LRP4: variants seen among roughly 807,000 people sequenced by gnomAD.
LRP4 encodes LDL receptor related protein 4, also known as low-density lipoprotein receptor-related protein 4.
Under a neutral mutation model 220.3 loss-of-function variants are expected in LRP4, and 95 were observed. The observed-to-expected ratio is 0.43, with a 90% CI of 0.37 to 0.51. The LOEUF is 0.51. Among genes scored for constraint, LRP4 ranks in the 20% least tolerant of loss-of-function variants. LRP4 has a pLI of 0.00. For missense variants in LRP4, 1,925 were observed against 2,567.0 expected (o/e 0.75, Z 5.40); for synonymous variants, 903 against 954.6 (o/e 0.95, Z 1.00).
chr11:46,918,154 G>A lies in LRP4; in HGVS notation c.52+174C>T, dbSNP rs1224980972. ...AGCGCCTCCGCTGATGCCCCCGCTCGGACTGCTGGAGCCGGGGCCGCTCCG... is the reference window on the plus strand; with the variant it reads ...AGCGCCTCCGCTGATGCCCCCGCTCAGACTGCTGGAGCCGGGGCCGCTCCG... On this transcript the variant is annotated intron_variant, in intron 1 of 37. Coordinates refer to ENST00000378623, the MANE Select transcript of LRP4 (RefSeq NM_002334.4). This position sits in a 1 kb window ranked among gnomAD's most constrained non-coding sequence, Gnocchi z 6.0. Among the ~76,000 whole-genome samples, 1 of 151,644 alleles carries A rather than the reference G, an allele frequency of 6.6e-6. No homozygotes were observed. The highest frequency in any genetic ancestry group is 1.5e-5 in the Non-Finnish European group (1 of 67,848).
At chr11:46,867,234 C>CG (rs887876800) in intron 34 of LRP4, among the ~76,000 whole-genome samples, 5 of 151,262 alleles carry the variant, frequency 3.3e-5, no homozygotes, top group African/African-American at 7.3e-5. Flanking sequence ...GTGTGTGTTG[C>CG]GGGGGGGTGC....
At chr11:46,893,879 C>A (rs961916706) in intron 12 of LRP4, among the ~76,000 whole-genome samples, 1 of 151,590 alleles carries the variant, frequency 6.6e-6, no homozygotes, top group Non-Finnish European at 1.5e-5. Context: ...GGATTACAGG[C>A]GTAAGCCACC....
rs770051637 is a variant in LRP4, at chr11:46,889,926, C to T, written c.2092+18G>A. ...AACCATGAGGCTACTTTGGCTCACC[C>T]GGTGGGCAGTTTTTTACCTGCAGGT... On this transcript the variant is annotated intron_variant, in intron 15 of 37. Coordinates refer to ENST00000378623, the MANE Select transcript of LRP4 (RefSeq NM_002334.4). 32 of 1,613,994 alleles carry T rather than the reference C, an allele frequency of 2.0e-5. No individual in the cohort carries two copies. Among genetic ancestry groups the T allele is most frequent in the African/African-American group, 4.0e-5 (3 of 74,894 alleles).
intron 1 of LRP4, among the ~76,000 whole-genome samples, chr11:46,913,727 C>A (rs1941905687): frequency 6.6e-6 from 1 of 152,096 alleles, no homozygotes; most frequent in African/African-American, 2.4e-5. Flanking sequence ...TAGGCTGCAT[C>A]CCTGACCACT....
chr11:46,888,594 G>T (rs1000354675), intron 16 of LRP4, among the ~76,000 whole-genome samples: 3 of 119,688 alleles, frequency 2.5e-5, no homozygotes, highest in South Asian at 3.2e-4. Flanking sequence ...GGAAAACTCA[G>T]AGAATGAAAT....
chr11:46,883,146 T>TA (rs1002774406), intron 19 of LRP4, among the ~76,000 whole-genome samples: 3 of 151,544 alleles, frequency 2.0e-5, no homozygotes, highest in Non-Finnish European at 2.9e-5. Flanking sequence ...AAACCAACAA[T>TA]AAAAAAAAGA....
At chr11:46,916,545 C>T (rs781702873) in intron 1 of LRP4, among the ~76,000 whole-genome samples, 5 of 150,144 alleles carry the variant, frequency 3.3e-5, no homozygotes, top group African/African-American at 4.9e-5. Context: ...TTCTCACCCC[C>T]ATCCTCTATG....
Position 46,894,524 on chromosome 11 carries a change from T to A in LRP4, c.1540+65A>T, listed in dbSNP as rs17848243. ...CTAAGGTTTGCAAACCACTGGCCTA[T>A]TCCTCCCACCGTTGCTGCGCATGTG... On this transcript the variant is annotated intron_variant, in intron 12 of 37. Transcript: ENST00000378623. 98 of 1,306,762 alleles carry A rather than the reference T, an allele frequency of 7.5e-5. No individual in the cohort carries two copies. In the East Asian group the frequency reaches 1.8e-3, roughly 23 times the overall value. The allele number at this position is 1,306,762 out of a possible 1,614,324, so 80.9% of individuals were successfully genotyped here.
At position 46,918,477 on chromosome 11, in the gene LRP4, G is replaced by T. The variant is rs917834733; in HGVS notation, c.-98C>A. On this transcript the variant is annotated 5_prime_UTR_variant, in exon 1 of 38. Transcript: ENST00000378623. The surrounding 1 kb of genome is among the most constrained non-coding windows in gnomAD (Gnocchi z 6.0). ...GGTCCCCGAGGGGGAAGCGTCCCGG[G>T]TGCACGGCGGCCTGCGCGCCCCGCA... 175 of 880,744 alleles carry T rather than the reference G, an allele frequency of 2.0e-4. No homozygotes were observed. The African/African-American group carries it at 2.7e-3, about 13-fold the overall frequency. The allele number at this position is 880,744 out of a possible 1,614,324, so 54.6% of individuals were successfully genotyped here.
intron 19 of LRP4, among the ~76,000 whole-genome samples, chr11:46,883,475 A>G (rs926975305): frequency 6.6e-6 from 1 of 152,244 alleles, no homozygotes; most frequent in Non-Finnish European, 1.5e-5. Flanking sequence ...AACTAGCCCA[A>G]CCTATTTCTT....
intron 7 of LRP4, 99 bp downstream of exon 7, chr11:46,898,459 T>C: frequency 6.5e-7 from 1 of 1,550,112 alleles, no homozygotes; most frequent in Non-Finnish European, 8.8e-7. Flanking sequence ...GTGCTGGCAT[T>C]ATAAGCATGA....
intron 12 of LRP4, among the ~76,000 whole-genome samples, chr11:46,894,315 C>CT (rs1941479562): frequency 6.6e-6 from 1 of 152,220 alleles, no homozygotes; most frequent in African/African-American, 2.4e-5. Context: ...ATGGAGAACT[C>CT]TGTCATCCAT....
chr11:46,877,789 T>C (rs999173100), intron 22 of LRP4, among the ~76,000 whole-genome samples: 2 of 152,158 alleles, frequency 1.3e-5, no homozygotes, highest in Non-Finnish European at 2.9e-5. Flanking sequence ...GCCTCAGTTT[T>C]CTTATCTATA....
intron 1 of LRP4, among the ~76,000 whole-genome samples, chr11:46,906,908 A>G (rs1941769398): frequency 6.6e-6 from 1 of 152,196 alleles, no homozygotes. Context: ...AAGGGCGGGC[A>G]GCCACCGGTC....
chr11:46,862,560 C>T (rs766493528), intron 37 of LRP4, 46 bp downstream of exon 37: 1 of 1,609,676 alleles, frequency 6.2e-7, no homozygotes. Context: ...AAATCCCTCC[C>T]CACACCTCGC....
rs776417067 is a variant in LRP4, at chr11:46,896,985, A to G, written c.806T>C (p.Met269Thr). The G allele has an allele frequency of 3.1e-6, 5 of 1,614,050 alleles. No homozygotes were observed. Among genetic ancestry groups the G allele is most frequent in the Admixed American group, 1.7e-5 (1 of 60,006 alleles). ...QSDERNCTTS[M>T]CTAEQFRCHS... ...ACAGCGGAACTGTTCTGCCGTACACATGGAGGTGGCTGGGCAAAGCAAAGG... is the reference window on the plus strand; with the variant it reads ...ACAGCGGAACTGTTCTGCCGTACACGTGGAGGTGGCTGGGCAAAGCAAAGG... The change falls in exon 8 of 38, where the codon ATG becomes ACG. Residue 269 changes from methionine to threonine, a missense_variant. Physicochemically the swap from Met to Thr is moderately conservative, Grantham distance 81. This residue lies in a region of LRP4 where 412 missense variants were observed against 505.4 expected (regional missense o/e 0.82). Transcript: ENST00000378623.
intron 37 of LRP4, among the ~76,000 whole-genome samples, chr11:46,859,550 G>A (rs921786836): frequency 6.6e-6 from 1 of 152,100 alleles, no homozygotes; most frequent in Non-Finnish European, 1.5e-5. Flanking sequence ...CATGGCTTCC[G>A]GTCCTGCAGC....
chr11:46,907,701 C>A (rs1467431639), intron 1 of LRP4, among the ~76,000 whole-genome samples: 1 of 152,176 alleles, frequency 6.6e-6, no homozygotes, highest in Non-Finnish European at 1.5e-5. Flanking sequence ...ACAAGACACA[C>A]TAACTTAGTA....
intron 23 of LRP4, 30 bp downstream of exon 23, chr11:46,877,169 G>A (rs779054195): frequency 1.2e-6 from 2 of 1,612,656 alleles, no homozygotes; most frequent in Non-Finnish European, 1.7e-6. Context: ...AGGGACAGAA[G>A]GCCAGGTGGG....
Sources: gnomAD v4.1 joint callset for allele counts (sites outside exome capture counted in the v4.1 genomes callset) on GRCh38, gnomAD v4.1.1 for gene constraint, gnomAD v4.1.1 regional missense constraint, Gnocchi (gnomAD v3.1) non-coding constraint, MANE v1.5 for transcripts, NCBI Gene and HGNC (gene_info 2026-07-23, HGNC 2026-07-21) for gene names.